PTCD1: variants seen among roughly 807,000 people sequenced by gnomAD.
PTCD1 encodes pentatricopeptide repeat-containing protein 1, mitochondrial.
In PTCD1, 50 loss-of-function variants were observed where a neutral mutation model predicts 53.4. That is an observed-to-expected ratio of 0.94 (90% CI 0.75 to 1.19). The LOEUF is 1.19. PTCD1 is among the 50% of genes most tolerant of loss of function. The pLI is 0.00. For missense variants in PTCD1, 918 were observed against 904.8 expected (o/e 1.01, Z -0.19); for synonymous variants, 413 against 394.8 (o/e 1.05, Z -0.55).
chr7:99,425,669 G>A lies in PTCD1; in HGVS notation c.916-53C>T, dbSNP rs572562036. ...GGGTGCTCCCATTCAGCAGCTGGGC[G>A]CAGGGCTCACGCCTGGAATCCCAGC... On this transcript the variant is annotated intron_variant, in intron 5 of 7. Coordinates refer to ENST00000292478, the MANE Select transcript of PTCD1 (RefSeq NM_015545.4). 119 of 1,561,758 alleles carry A rather than the reference G, an allele frequency of 7.6e-5. No individual in the cohort carries two copies. In the African/African-American group the frequency reaches 1.4e-3, roughly 19 times the overall value.
At position 99,429,668 on chromosome 7, in the gene PTCD1, G is replaced by T. The variant is rs537320330; in HGVS notation, c.733C>A (p.Leu245Ile). ...AGCGCGTGGTATGTTTTCAAGTTGA[G>T]CTCGAAGTTTTTGGCCTGCAGCTGC... ...RQQLQAKNFE[L>I]NLKTYHALLK... Residue 245 changes from leucine to isoleucine, a missense_variant, in exon 4 of 8, where the codon CTC becomes ATC. Transcript: ENST00000292478. The T allele has an allele frequency of 2.5e-6, 4 of 1,614,222 alleles. No individual in the cohort carries two copies. In the South Asian group the frequency reaches 3.3e-5, roughly 13 times the overall value.
At chr7:99,436,452 C>T (rs1454483332) in intron 1 of PTCD1, among the ~76,000 whole-genome samples, 6 of 151,928 alleles carry the variant, frequency 3.9e-5, no homozygotes, top group Admixed American at 1.3e-4. Context: ...CTATCTCTGC[C>T]GAAAATATAA....
chr7:99,419,344 G>C lies in PTCD1; in HGVS notation c.*623C>G. 1 of 1,606,936 alleles carries C rather than the reference G, an allele frequency of 6.2e-7. No homozygotes were observed. ...TTGCCACATATGTGAGTGTGCAGGG[G>C]CGAGCGTGGCGCAGTGGCATCGTCT... On this transcript the variant is annotated 3_prime_UTR_variant, in exon 8 of 8. Coordinates refer to ENST00000292478, the MANE Select transcript of PTCD1 (RefSeq NM_015545.4).
Position 99,417,940 on chromosome 7 carries a change from C to T in PTCD1, c.*2027G>A. The T allele has an allele frequency of 8.0e-7, 1 of 1,247,178 alleles. No individual in the cohort carries two copies. The highest frequency in any genetic ancestry group is 1.6e-5 in the South Asian group (1 of 64,036). The allele number at this position is 1,247,178 out of a possible 1,614,324, so 77.3% of individuals were successfully genotyped here. A position where few individuals can be genotyped will look rare whatever the true frequency, so the allele number is the denominator to read the frequency against. On this transcript the variant is annotated 3_prime_UTR_variant, in exon 8 of 8. Transcript: ENST00000292478. ...GTGAGTTCCTGTCCCTTTCAGTCCT[C>T]ACAGTGATACTTTAACATTACCATC...
intron 3 of PTCD1, 89 bp from the exon 4 acceptor site, chr7:99,429,895 G>A (rs2150956060): frequency 1.3e-6 from 2 of 1,519,116 alleles, no homozygotes; most frequent in South Asian, 1.2e-5. Context: ...AGGCTGGAGA[G>A]GACCCCGTCA....
At chr7:99,430,712 C>T (rs754893859) in intron 3 of PTCD1, among the ~76,000 whole-genome samples, 9 of 152,192 alleles carry the variant, frequency 5.9e-5, no homozygotes, top group Non-Finnish European at 1.3e-4. Flanking sequence ...GTTAGCAGAG[C>T]GGGCACAGCC....
At chr7:99,424,372 G>A (rs1351013848) in intron 6 of PTCD1, among the ~76,000 whole-genome samples, 2 of 152,224 alleles carry the variant, frequency 1.3e-5, no homozygotes, top group Non-Finnish European at 2.9e-5. Context: ...CGACAACCCA[G>A]GACGCAGCCT....
intron 5 of PTCD1, among the ~76,000 whole-genome samples, chr7:99,428,172 C>T (rs756125833): frequency 4.6e-5 from 7 of 151,582 alleles, no homozygotes; most frequent in Non-Finnish European, 5.9e-5. Context: ...GAGAGCAAGG[C>T]GCCGGATCAC....
At chr7:99,420,680 G>A (rs1012075076) in intron 7 of PTCD1, among the ~76,000 whole-genome samples, 1 of 152,222 alleles carries the variant, frequency 6.6e-6, no homozygotes, top group Non-Finnish European at 1.5e-5. Flanking sequence ...GGTTTGGCCG[G>A]GTGCGGTGGC....
chr7:99,426,253 G>A (rs1381223899), intron 5 of PTCD1, among the ~76,000 whole-genome samples: 2 of 151,808 alleles, frequency 1.3e-5, no homozygotes, highest in East Asian at 3.9e-4. Flanking sequence ...AAGCTGGACT[G>A]TAACTGCTGC....
In PTCD1 at chr7:99,422,282, G is replaced by A. The variant is rs113252929; in HGVS notation, c.1920+1493C>T. On this transcript the variant is annotated intron_variant, in intron 7 of 7. Transcript: ENST00000292478. The stretch of plus-strand genomic sequence containing the variant: ...ACACCTGCACGGCGTTCCTGACCCC[G>A]CACCCTCTAGCTGTGTGTGTCCCTG... Among the ~76,000 whole-genome samples the A allele has an allele frequency of 1.7e-3, 256 of 152,268 alleles. 1 individual carries two copies. Among genetic ancestry groups the A allele is most frequent in the African/African-American group, 5.9e-3 (247 of 41,548 alleles).
chr7:99,421,407 AAC>A (rs1441704912), intron 7 of PTCD1, among the ~76,000 whole-genome samples: 2 of 148,210 alleles, frequency 1.3e-5, no homozygotes, highest in East Asian at 4.0e-4. Context: ...CAGCCTGGGC[AAC>A]AGAGTGATTC....
At chr7:99,436,190 G>A (rs1052105544) in intron 1 of PTCD1, among the ~76,000 whole-genome samples, 2 of 152,008 alleles carry the variant, frequency 1.3e-5, no homozygotes, top group Admixed American at 1.3e-4. Flanking sequence ...CAATCCTCTC[G>A]CCTCGACCTC....
intron 4 of PTCD1, 27 bp downstream of exon 4, chr7:99,429,561 G>A (rs1178857224): frequency 2.5e-6 from 4 of 1,614,172 alleles, no homozygotes; most frequent in South Asian, 1.1e-5. Context: ...CCCATGAAGG[G>A]GAGCAGGACG....
Position 99,420,044 on chromosome 7 carries a change from T to A in PTCD1, c.2026A>T (p.Lys676Ter). 1 of 1,614,228 alleles carries A rather than the reference T, an allele frequency of 6.2e-7. No homozygotes were observed. Among genetic ancestry groups the A allele is most frequent in the South Asian group, 1.1e-5 (1 of 91,090 alleles). Residue 676 changes from lysine (K) to a stop codon, truncating the protein, a stop_gained, in exon 8 of 8, where the codon AAG (lysine) becomes TAG (stop). Coordinates refer to ENST00000292478, the MANE Select transcript of PTCD1 (RefSeq NM_015545.4). LOFTEE classifies it low-confidence loss of function (END_TRUNC). ...PAEETPHPWQ[K>*]FRTKPQGDQD... ...TCCCCCTGGGGCTTGGTCCGGAACT[T>A]CTGCCAGGGGTGCGGGGTTTCCTCT...
At position 99,419,481 on chromosome 7, in the gene PTCD1, TCCTGCCTGTCACGCCACCC is replaced by T. The variant is rs1185200125; in HGVS notation, c.*467_*485del. On this transcript the variant is annotated 3_prime_UTR_variant, in exon 8 of 8. Transcript: ENST00000292478. ...ACCCTGGACTCTGGACTTCGCAGGTTCCTGCCTGTCACGCCACCCCCTTCCTGGGAGCAGCGAGCAGTGC... is the reference window on the plus strand; with the variant it reads ...ACCCTGGACTCTGGACTTCGCAGGTTCCTTCCTGGGAGCAGCGAGCAGTGC... 3.1e-6 allele frequency: 5 copies of T among 1,606,268 alleles called. No individual in the cohort carries two copies. The highest frequency in any genetic ancestry group is 4.2e-6 in the Non-Finnish European group (5 of 1,178,698).
chr7:99,431,786 A>G (rs1022795310), intron 3 of PTCD1, among the ~76,000 whole-genome samples: 3 of 152,198 alleles, frequency 2.0e-5, no homozygotes, highest in African/African-American at 7.2e-5. Flanking sequence ...TCAGACTGTT[A>G]CTGTGTCTAT....
rs968991151 is a variant in PTCD1 at position 99,417,978 on chromosome 7, GCCC to G, written c.*1986_*1988del. The G allele has an allele frequency of 1.7e-6, 2 of 1,178,296 alleles. No homozygotes were observed. Among genetic ancestry groups the G allele is most frequent in the Admixed American group, 4.1e-5 (1 of 24,134 alleles). 73.0% of individuals were successfully genotyped at this position (1,178,296 alleles called of 1,614,324 possible). A position where few individuals can be genotyped will look rare whatever the true frequency, so the allele number is the denominator to read the frequency against. On this transcript the variant is annotated 3_prime_UTR_variant, in exon 8 of 8. Coordinates refer to ENST00000292478, the MANE Select transcript of PTCD1 (RefSeq NM_015545.4). ...TAACATTACCATCACTATCTTTCCC[GCCC>G]CCCCAAGACGGAGTCTTGCTTTGTC... is the stretch of plus-strand genomic sequence containing the variant.
intron 7 of PTCD1, among the ~76,000 whole-genome samples, chr7:99,421,177 C>T (rs1481015610): frequency 6.6e-6 from 1 of 152,150 alleles, no homozygotes; most frequent in African/African-American, 2.4e-5. Flanking sequence ...TGCTGGCTCA[C>T]TCCTATAATC....
Sources: allele counts gnomAD v4.1 joint callset (sites outside exome capture counted in the v4.1 genomes callset), GRCh38; gene constraint gnomAD v4.1.1; transcripts MANE v1.5; gene names NCBI Gene and HGNC (gene_info 2026-07-23, HGNC 2026-07-21).